Variants in FER observed in about 807,000 individuals in gnomAD.
FER encodes the protein tyrosine-protein kinase Fer.
Under a neutral mutation model 111.0 loss-of-function variants are expected in FER, and 63 were observed. That is an observed-to-expected ratio of 0.57 (90% confidence interval 0.46 to 0.70). The LOEUF is 0.70. Among genes scored for constraint, FER ranks in the 30% least tolerant of loss-of-function variants. The pLI is 0.00. For missense variants in FER, 914 were observed against 954.0 expected (o/e 0.96, Z 0.55); for synonymous variants, 327 against 313.9 (o/e 1.04, Z -0.44).
At chr5:108,931,269 T>C (rs940190445) in intron 10 of FER, among the ~76,000 whole-genome samples, 1 of 152,218 alleles carries the variant, frequency 6.6e-6, no homozygotes, top group Non-Finnish European at 1.5e-5. Context: ...TTATCTTTTA[T>C]GTAGCCCTTA....
intron 16 of FER, among the ~76,000 whole-genome samples, chr5:109,062,971 C>G (rs1446125570): frequency 1.3e-5 from 2 of 152,142 alleles, no homozygotes; most frequent in African/African-American, 4.8e-5. Context: ...TTTCACCAGG[C>G]TTAAGACATT....
intron 13 of FER, among the ~76,000 whole-genome samples, chr5:108,983,338 G>T (rs1762209299): frequency 6.6e-6 from 1 of 151,986 alleles, no homozygotes; most frequent in Non-Finnish European, 1.5e-5. Flanking sequence ...GCTCTTTACT[G>T]CTTCCTCAAA....
chr5:109,170,879 T>C (rs957487063), intron 17 of FER, among the ~76,000 whole-genome samples: 3 of 152,146 alleles, frequency 2.0e-5, no homozygotes, highest in African/African-American at 7.2e-5. Context: ...TAGATTCATC[T>C]GGCTAGTTAC....
At chr5:108,793,625 CA>C (rs1755659557) in intron 2 of FER, among the ~76,000 whole-genome samples, 1 of 151,632 alleles carries the variant, frequency 6.6e-6, no homozygotes, top group East Asian at 1.9e-4. Flanking sequence ...TGGTTGTACA[CA>C]TTCCCACCAG....
rs531622908 is a variant in FER, at chr5:108,889,628, T to C, written c.1046+6110T>C. ...ACAACAGGGTAACTGTAGTCAATAA[T>C]AATTTAATTGTACATTTTAAAATAA... On this transcript the variant is annotated intron_variant, in intron 9 of 19. Transcript: ENST00000281092. Among the ~76,000 whole-genome samples, 35 of 152,124 alleles carry C rather than the reference T, an allele frequency of 2.3e-4. No homozygotes were observed. In the South Asian group the frequency reaches 6.6e-3, roughly 29 times the overall value.
chr5:108,904,357 A>G (rs1231346090), intron 10 of FER, among the ~76,000 whole-genome samples: 1 of 152,212 alleles, frequency 6.6e-6, no homozygotes, highest in Non-Finnish European at 1.5e-5. Flanking sequence ...TCCTTGATAA[A>G]GTGCCATTTG....
chr5:109,111,032 T>A (rs922690752), intron 17 of FER, among the ~76,000 whole-genome samples: 1 of 152,034 alleles, frequency 6.6e-6, no homozygotes, highest in Non-Finnish European at 1.5e-5. Context: ...GCACTCAGAG[T>A]CTTAGCTACA....
At chr5:108,749,784 AGGG>A (rs1750249186) in intron 1 of FER, among the ~76,000 whole-genome samples, 1 of 152,182 alleles carries the variant, frequency 6.6e-6, no homozygotes, top group Non-Finnish European at 1.5e-5. Context: ...AGGCACCTTC[AGGG>A]GTCATCCTTC....
chr5:108,781,974 C>T (rs1754138265), intron 2 of FER, among the ~76,000 whole-genome samples: 1 of 151,578 alleles, frequency 6.6e-6, no homozygotes, highest in Admixed American at 6.6e-5. Context: ...TATTGATTTA[C>T]TGGAGGTGAA....
intron 14 of FER, among the ~76,000 whole-genome samples, chr5:109,038,488 A>G (rs1253417811): frequency 6.6e-6 from 1 of 151,980 alleles, no homozygotes; most frequent in Non-Finnish European, 1.5e-5. Context: ...CTCTGTTGAA[A>G]TAACATAGTT....
In FER at chr5:108,844,061, T is replaced by TATATGTGTGTGAAC. The variant is rs1561500036; in HGVS notation, c.481+8258_481+8259insGTGTGTGAACATAT. Among the ~76,000 whole-genome samples, 34 of 90,052 alleles carry TATATGTGTGTGAAC rather than the reference T, an allele frequency of 3.8e-4. 1 individual carries two copies. Among genetic ancestry groups the TATATGTGTGTGAAC allele is most frequent in the African/African-American group, 1.3e-3 (26 of 20,294 alleles). The allele number at this position is 90,052 out of a possible 152,430, so 59.1% of individuals were successfully genotyped here. On this transcript the variant is annotated intron_variant, in intron 5 of 19. Transcript: ENST00000281092. ...GTGAACATATATATGTGTGTGAACA[T>TATATGTGTGTGAAC]ATATATGTGTGTGAACATATATGCG...
intron 11 of FER, among the ~76,000 whole-genome samples, chr5:108,946,665 G>A (rs1269559187): frequency 6.6e-6 from 1 of 151,932 alleles, no homozygotes; most frequent in East Asian, 1.9e-4. Context: ...TAAAATTGAA[G>A]TCTGTTTGAT....
At chr5:109,035,640 G>T (rs1298700421) in intron 13 of FER, among the ~76,000 whole-genome samples, 2 of 151,974 alleles carry the variant, frequency 1.3e-5, no homozygotes, top group African/African-American at 2.4e-5. Context: ...ATTTATCTTT[G>T]GTTAATTCCT....
intron 14 of FER, among the ~76,000 whole-genome samples, chr5:109,040,732 C>G (rs527650955): frequency 6.6e-6 from 1 of 151,954 alleles, no homozygotes; most frequent in Non-Finnish European, 1.5e-5. Context: ...TACTGTTTAA[C>G]TTGAGAAAAA....
chr5:108,777,588 C>T (rs1753628785), intron 2 of FER, among the ~76,000 whole-genome samples: 1 of 152,200 alleles, frequency 6.6e-6, no homozygotes, highest in South Asian at 2.1e-4. Context: ...ACTATTCATT[C>T]CTCTCTTCCC....
chr5:108,753,049 C>T (rs190960794), intron 1 of FER, among the ~76,000 whole-genome samples: 2 of 151,992 alleles, frequency 1.3e-5, no homozygotes, highest in Admixed American at 1.3e-4. Flanking sequence ...ATTTTCTCAT[C>T]TATTCAATAG....
intron 8 of FER, among the ~76,000 whole-genome samples, chr5:108,880,810 A>T (rs1012612104): frequency 2.6e-5 from 4 of 152,060 alleles, no homozygotes; most frequent in African/African-American, 9.7e-5. Flanking sequence ...TTATTGCTTT[A>T]TTTTGCTTTA....
intron 2 of FER, among the ~76,000 whole-genome samples, chr5:108,788,546 T>TTTC (rs1193093533): frequency 6.6e-6 from 1 of 151,936 alleles, no homozygotes; most frequent in Non-Finnish European, 1.5e-5. Flanking sequence ...TTTTTTTTTT[T>TTTC]TCCCTCCTGA....
At chr5:109,177,338 T>G (rs1311853061) in intron 17 of FER, among the ~76,000 whole-genome samples, 1 of 152,150 alleles carries the variant, frequency 6.6e-6, no homozygotes, top group Non-Finnish European at 1.5e-5. Flanking sequence ...CTCCAGGGCC[T>G]TAAAGAGGTT....
Sources: allele counts gnomAD v4.1 joint callset (sites outside exome capture counted in the v4.1 genomes callset), GRCh38; gene constraint gnomAD v4.1.1; transcripts MANE v1.5; gene names NCBI Gene and HGNC (gene_info 2026-07-23, HGNC 2026-07-21).